The following DISC1 variants were observed in gnomAD, a reference collection of about 807,000 sequenced individuals.
DISC1 encodes DISC1 scaffold protein.
A neutral mutation model predicts 84.5 loss-of-function variants in DISC1; 57 were observed. The observed-to-expected ratio is 0.67, with a 90% CI of 0.55 to 0.84. DISC1 has a LOEUF of 0.84. Ranked by LOEUF, DISC1 falls within the 40% of genes least tolerant of loss-of-function variation. The pLI is 0.00. For synonymous variants in DISC1, 411 were observed against 415.2 expected, an observed-to-expected ratio of 0.99 and a Z score of 0.12; for missense variants, 1,000 against 1,057.8, an observed-to-expected ratio of 0.95 and a Z score of 0.76.
chr1:231,703,028 A>G (rs1048097287), intron 3 of DISC1, among the ~76,000 whole-genome samples: 3 of 152,216 alleles, frequency 2.0e-5, no homozygotes, highest in Non-Finnish European at 2.9e-5. Flanking sequence ...AGCCCATGTG[A>G]CATTCTCATT....
At chr1:231,734,033 G>C (rs1175086804) in intron 3 of DISC1, among the ~76,000 whole-genome samples, 1 of 151,886 alleles carries the variant, frequency 6.6e-6, no homozygotes, top group African/African-American at 2.4e-5. Context: ...TGTTGGTGAT[G>C]GTGGGAATGT....
At chr1:232,018,386 G>C (rs568721608) in intron 11 of DISC1, among the ~76,000 whole-genome samples, 11 of 152,290 alleles carry the variant, frequency 7.2e-5, no homozygotes, top group Non-Finnish European at 1.6e-4. Context: ...TGTCCTTGGA[G>C]ACCCTGGTCA....
intron 3 of DISC1, among the ~76,000 whole-genome samples, chr1:231,743,453 T>C (rs561264569): frequency 6.6e-6 from 1 of 152,362 alleles, no homozygotes; most frequent in South Asian, 2.1e-4. Flanking sequence ...CAGATCTGGA[T>C]GCATCTTTAC....
chr1:231,701,799 T>A (rs1379455271), intron 2 of DISC1, among the ~76,000 whole-genome samples, 156 bp from the exon 3 acceptor site: 1 of 152,186 alleles, frequency 6.6e-6, no homozygotes, highest in African/African-American at 2.4e-5. Flanking sequence ...AACTAATGCA[T>A]CTGGCATTGA....
chr1:231,733,271 G>A (rs1405976360), intron 3 of DISC1, among the ~76,000 whole-genome samples: 1 of 150,902 alleles, frequency 6.6e-6, no homozygotes, highest in Non-Finnish European at 1.5e-5. Flanking sequence ...TGGTGGTAAT[G>A]GTAGGAGTGT....
At chr1:231,736,738 C>T (rs2072556325) in intron 3 of DISC1, among the ~76,000 whole-genome samples, 1 of 152,158 alleles carries the variant, frequency 6.6e-6, no homozygotes, top group African/African-American at 2.4e-5. Flanking sequence ...CAGTGAATTT[C>T]ATTTATTGGC....
At chr1:231,863,415 G>C (rs927767304) in intron 9 of DISC1, among the ~76,000 whole-genome samples, 4 of 151,790 alleles carry the variant, frequency 2.6e-5, no homozygotes, top group African/African-American at 9.7e-5. Flanking sequence ...ACTTTTAGTA[G>C]AGAAGGGGTT....
chr1:231,955,486 CT>C (rs200610198), intron 9 of DISC1, among the ~76,000 whole-genome samples: 23,067 of 133,026 alleles, frequency 0.17, 3,557 homozygotes, highest in African/African-American at 0.42. Flanking sequence ...TCATTCTTGA[CT>C]TTTTTTTTTT....
At chr1:232,028,328 A>C (rs1322859093) in intron 12 of DISC1, among the ~76,000 whole-genome samples, 1 of 152,150 alleles carries the variant, frequency 6.6e-6, no homozygotes, top group Non-Finnish European at 1.5e-5. Flanking sequence ...TTCAGGTAGC[A>C]GTTCTGAGGG....
Position 231,694,380 on chromosome 1 carries a change from T to C in DISC1, c.622T>C (p.Ser208Pro). The C allele has an allele frequency of 6.2e-7, 1 of 1,614,236 alleles. No homozygotes were observed. Among genetic ancestry groups the C allele is most frequent in the Non-Finnish European group, 8.5e-7 (1 of 1,180,040 alleles). ...TPPGSHSAFT[S>P]SFSFIRLSLG... ...TCCTGGCTCTCACAGTGCCTTTACCTCAAGCTTTAGCTTTATTCGGCTCTC... is the reference window on the plus strand; with the variant it reads ...TCCTGGCTCTCACAGTGCCTTTACCCCAAGCTTTAGCTTTATTCGGCTCTC... The change falls in exon 2 of 13, where the codon TCA becomes CCA. Residue 208 changes from serine to proline, a missense_variant. Around this residue, in one of 3 missense-constraint regions of DISC1, gnomAD observed 311 missense variants for 400.1 expected, o/e 0.78. Coordinates refer to ENST00000439617, the MANE Select transcript of DISC1 (RefSeq NM_018662.3).
chr1:231,678,571 A>G (rs2063378010), intron 1 of DISC1, among the ~76,000 whole-genome samples: 1 of 152,246 alleles, frequency 6.6e-6, no homozygotes, highest in African/African-American at 2.4e-5. Flanking sequence ...ACAGGCATGG[A>G]GAAGTTACAC....
intron 4 of DISC1, among the ~76,000 whole-genome samples, chr1:231,764,511 T>A (rs963335470): frequency 6.6e-6 from 1 of 152,230 alleles, no homozygotes; most frequent in Non-Finnish European, 1.5e-5. Context: ...GTTCATTTCA[T>A]ACTTTTTGCC....
At chr1:231,663,253 T>C (rs1485879776) in intron 1 of DISC1, among the ~76,000 whole-genome samples, 1 of 152,202 alleles carries the variant, frequency 6.6e-6, no homozygotes, top group African/African-American at 2.4e-5. Flanking sequence ...AGGGTCAATT[T>C]ACCTAGAAGA....
chr1:231,701,808 G>GA (rs1292639708), intron 2 of DISC1, 147 bp from the exon 3 acceptor site: 5 of 706,268 alleles, frequency 7.1e-6, no homozygotes, highest in African/African-American at 5.5e-5. Flanking sequence ...ATCTGGCATT[G>GA]AAAAAATGTG....
intron 9 of DISC1, among the ~76,000 whole-genome samples, chr1:231,934,668 T>C (rs145622500): frequency 0.015 from 2,277 of 152,332 alleles, 30 homozygotes; most frequent in Non-Finnish European, 0.018. Context: ...TCAATGATTG[T>C]TAGGTTTCTT....
At chr1:231,641,935 C>G (rs939254376) in intron 1 of DISC1, among the ~76,000 whole-genome samples, 28 of 152,320 alleles carry the variant, frequency 1.8e-4, no homozygotes, top group Admixed American at 4.6e-4. Context: ...CTGCCAGTCC[C>G]CTGCCGTGTG....
chr1:231,686,214 C>T (rs2064254557), intron 1 of DISC1, among the ~76,000 whole-genome samples: 1 of 152,224 alleles, frequency 6.6e-6, no homozygotes, highest in African/African-American at 2.4e-5. Flanking sequence ...TCTCACAGCT[C>T]CACTAGGCGG....
chr1:231,786,014 T>G (rs2077827933), intron 6 of DISC1, among the ~76,000 whole-genome samples: 1 of 152,222 alleles, frequency 6.6e-6, no homozygotes, highest in African/African-American at 2.4e-5. Flanking sequence ...CTCTATTATC[T>G]ATTATATTTC....
chr1:231,639,760 C>T (rs1250253145), intron 1 of DISC1, among the ~76,000 whole-genome samples: 1 of 152,210 alleles, frequency 6.6e-6, no homozygotes, highest in Non-Finnish European at 1.5e-5. Context: ...AACCTGTCAT[C>T]ATTTATGTGT....
Sources: allele counts gnomAD v4.1 joint callset (sites outside exome capture counted in the v4.1 genomes callset), GRCh38; gene constraint gnomAD v4.1.1; regional missense constraint gnomAD v4.1.1; transcripts MANE v1.5; gene names NCBI Gene and HGNC (gene_info 2026-07-23, HGNC 2026-07-21).